Variants in ARHGAP10 observed in about 807,000 individuals in gnomAD.
The protein encoded by ARHGAP10 is Rho GTPase activating protein 10.
ARHGAP10 carries 87 observed loss-of-function variants against 108.6 expected under a neutral mutation model. The observed-to-expected ratio is 0.80, with a 90% CI of 0.67 to 0.96. ARHGAP10 has a LOEUF of 0.96. Among genes scored for constraint, ARHGAP10 ranks in the 40% least tolerant of loss-of-function variants. The pLI, the probability that ARHGAP10 is intolerant of heterozygous loss-of-function variation, is 0.00. For missense variants in ARHGAP10, 939 were observed against 954.5 expected (o/e 0.98, Z 0.21); for synonymous variants, 347 against 341.1 (o/e 1.02, Z -0.19).
rs560512118 is a variant in ARHGAP10 at position 147,788,585 on chromosome 4, G to A, written c.155-34142G>A. On this transcript the variant is annotated intron_variant, in intron 1 of 22. Transcript: ENST00000336498. ...GAGATCAGCACATGGGGCTGGGAAGGGCAGGTTCCTCCATTAACCTCTACC... is the reference window on the plus strand; with the variant it reads ...GAGATCAGCACATGGGGCTGGGAAGAGCAGGTTCCTCCATTAACCTCTACC... 2.3e-4 allele frequency among the ~76,000 whole-genome samples: 35 copies of A among 152,280 alleles called. No individual in the cohort carries two copies. The South Asian group carries it at 4.3e-3, about 19-fold the overall frequency.
chr4:147,792,197 T>C (rs546548594), intron 1 of ARHGAP10, among the ~76,000 whole-genome samples: 17 of 152,388 alleles, frequency 1.1e-4, no homozygotes, highest in African/African-American at 4.1e-4. Context: ...CAGTATTTTG[T>C]ATTGTGAAAC....
At chr4:147,903,295 T>C (rs1736325874) in intron 10 of ARHGAP10, among the ~76,000 whole-genome samples, 1 of 152,212 alleles carries the variant, frequency 6.6e-6, no homozygotes, top group Non-Finnish European at 1.5e-5. Flanking sequence ...AAAAAAACTT[T>C]TCTGAGAGAC....
At chr4:147,867,147 T>C (rs1734600335) in intron 7 of ARHGAP10, among the ~76,000 whole-genome samples, 1 of 152,238 alleles carries the variant, frequency 6.6e-6, no homozygotes, top group Admixed American at 6.5e-5. Context: ...AATGCACTAC[T>C]TAACTGGGCA....
intron 20 of ARHGAP10, among the ~76,000 whole-genome samples, chr4:148,052,740 T>A (rs944867073): frequency 6.6e-6 from 1 of 152,124 alleles, no homozygotes; most frequent in African/African-American, 2.4e-5. Context: ...CCTGTTACCA[T>A]ACCTAAGTAA....
chr4:147,889,435 G>T (rs1186631535), intron 10 of ARHGAP10, among the ~76,000 whole-genome samples: 1 of 152,180 alleles, frequency 6.6e-6, no homozygotes, highest in Non-Finnish European at 1.5e-5. Flanking sequence ...AGGTAGCTGG[G>T]ATTACAGGCA....
chr4:147,963,138 T>C (rs1320802440), intron 16 of ARHGAP10, among the ~76,000 whole-genome samples: 1 of 152,256 alleles, frequency 6.6e-6, no homozygotes, highest in East Asian at 1.9e-4. Context: ...AAGCCAACAG[T>C]GAGACAACTT....
chr4:147,736,753 A>G (rs1728433251), intron 1 of ARHGAP10, among the ~76,000 whole-genome samples: 1 of 152,212 alleles, frequency 6.6e-6, no homozygotes, highest in South Asian at 2.1e-4. Flanking sequence ...GAACTGTTAA[A>G]GCAGTCAGGG....
chr4:147,908,969 C>T (rs762283125), intron 11 of ARHGAP10, among the ~76,000 whole-genome samples: 1 of 152,108 alleles, frequency 6.6e-6, no homozygotes, highest in Non-Finnish European at 1.5e-5. Context: ...ACACAGCGCA[C>T]TATCTGCCTG....
chr4:147,989,013 C>T (rs1210944700), intron 18 of ARHGAP10, among the ~76,000 whole-genome samples: 3 of 152,176 alleles, frequency 2.0e-5, no homozygotes, highest in Non-Finnish European at 4.4e-5. Flanking sequence ...CCGATAATCA[C>T]GTAGGTTCTT....
intron 18 of ARHGAP10, among the ~76,000 whole-genome samples, chr4:147,993,860 C>A (rs935053523): frequency 1.3e-5 from 2 of 152,182 alleles, no homozygotes; most frequent in Non-Finnish European, 2.9e-5. Flanking sequence ...AGAGGGTAGG[C>A]ATTAAAGGCT....
intron 3 of ARHGAP10, among the ~76,000 whole-genome samples, chr4:147,845,433 A>T (rs1314774808): frequency 6.6e-6 from 1 of 152,204 alleles, no homozygotes; most frequent in African/African-American, 2.4e-5. Context: ...TGCATGCTTA[A>T]CAGCTGTTTA....
chr4:148,008,166 T>C (rs1485443006), intron 18 of ARHGAP10, among the ~76,000 whole-genome samples: 1 of 152,218 alleles, frequency 6.6e-6, no homozygotes, highest in Admixed American at 6.5e-5. Context: ...GTAGCTGCTT[T>C]TTAAAACATA....
At chr4:147,743,892 ACT>A (rs1198975510) in intron 1 of ARHGAP10, among the ~76,000 whole-genome samples, 5 of 152,014 alleles carry the variant, frequency 3.3e-5, no homozygotes, top group African/African-American at 1.2e-4. Flanking sequence ...ACCATAGTGA[ACT>A]CTCTCTGTGT....
Position 147,766,822 on chromosome 4 carries a change from ATATATATATATATATATT to A in ARHGAP10, c.154+34371_154+34388del, listed in dbSNP as rs1159481189. ...CACATATATATATATATATATATAT[ATATATATATATATATATT>A]TATTTATTTATTTATTTATTTTATG... On this transcript the variant is annotated intron_variant, in intron 1 of 22. Coordinates refer to ENST00000336498, the MANE Select transcript of ARHGAP10 (RefSeq NM_024605.4). 6.3e-3 allele frequency among the ~76,000 whole-genome samples: 77 copies of A among 12,170 alleles called. No homozygotes were observed. In the East Asian group the frequency reaches 0.31, roughly 49 times the overall value. The allele number at this position is 12,170 out of a possible 152,430, so 8.0% of individuals were successfully genotyped here. A position where few individuals can be genotyped will look rare whatever the true frequency, so the allele number is the denominator to read the frequency against.
intron 1 of ARHGAP10, among the ~76,000 whole-genome samples, chr4:147,778,511 G>T (rs1462398998): frequency 1.3e-5 from 2 of 152,058 alleles, no homozygotes; most frequent in African/African-American, 2.4e-5. Context: ...TTTGTCTTAG[G>T]GTCTTTCACA....
chr4:147,799,197 G>T (rs1726783438), intron 1 of ARHGAP10, among the ~76,000 whole-genome samples: 1 of 151,846 alleles, frequency 6.6e-6, no homozygotes, highest in South Asian at 2.1e-4. Flanking sequence ...AGTATGCCTG[G>T]CTAATTTTTG....
Position 147,977,457 on chromosome 4 carries a change from C to G in ARHGAP10, c.1716+10618C>G, listed in dbSNP as rs563713255. Among the ~76,000 whole-genome samples the G allele has an allele frequency of 5.3e-5, 8 of 152,188 alleles. 1 individual carries two copies. The South Asian group carries it at 1.7e-3, about 32-fold the overall frequency. On this transcript the variant is annotated intron_variant, in intron 18 of 22. Coordinates refer to ENST00000336498, the MANE Select transcript of ARHGAP10 (RefSeq NM_024605.4). ...TTTTAGAGCTGTCTTTTTTGTATCT[C>G]TCAAGATAAAATTGGGAGCAATAAT...
intron 10 of ARHGAP10, among the ~76,000 whole-genome samples, chr4:147,883,724 C>T (rs1735430988): frequency 6.6e-6 from 1 of 151,988 alleles, no homozygotes; most frequent in Non-Finnish European, 1.5e-5. Flanking sequence ...AGACGAGTCT[C>T]ACTTTTTTTG....
At chr4:147,937,237 C>T (rs1210647257) in intron 13 of ARHGAP10, among the ~76,000 whole-genome samples, 1 of 143,038 alleles carries the variant, frequency 7.0e-6, no homozygotes, top group Non-Finnish European at 1.5e-5. Flanking sequence ...CTTCTGAGGC[C>T]TCTCTCTGGC....
Sources: gnomAD v4.1 joint callset for allele counts (sites outside exome capture counted in the v4.1 genomes callset) on GRCh38, gnomAD v4.1.1 for gene constraint, MANE v1.5 for transcripts, NCBI Gene and HGNC (gene_info 2026-07-23, HGNC 2026-07-21) for gene names.